Variants in CHD6 observed in about 807,000 individuals in gnomAD.
CHD6 encodes the protein ATP-dependent chromatin remodeler CHD6.
CHD6 carries 50 observed loss-of-function variants against 276.9 expected under a neutral mutation model. The observed-to-expected ratio is 0.18, with a 90% CI of 0.14 to 0.23. The LOEUF is 0.23. Among genes scored for constraint, CHD6 ranks in the 10% least tolerant of loss-of-function variants. CHD6 has a pLI of 1.00. For missense variants in CHD6, 2,564 were observed against 3,365.8 expected (o/e 0.76, Z 5.89); for synonymous variants, 1,173 against 1,229.3 (o/e 0.95, Z 0.96).
intron 5 of CHD6, among the ~76,000 whole-genome samples, chr20:41,511,378 GCTTTT>G (rs2044114735): frequency 6.6e-6 from 1 of 152,128 alleles, no homozygotes; most frequent in South Asian, 2.1e-4. Flanking sequence ...TTCTTCTCTT[GCTTTT>G]CATTTCTTCT....
intron 31 of CHD6, among the ~76,000 whole-genome samples, chr20:41,419,519 C>T (rs569293982): frequency 3.2e-5 from 4 of 124,350 alleles, no homozygotes; most frequent in African/African-American, 1.2e-4. Context: ...TGCGCCACTG[C>T]ACTCCAGCCT....
chr20:41,434,463 C>G (rs1008729411), intron 27 of CHD6, among the ~76,000 whole-genome samples: 4 of 152,138 alleles, frequency 2.6e-5, no homozygotes, highest in Non-Finnish European at 5.9e-5. Context: ...CTCTGCCTCC[C>G]GGGTTCAAGT....
At chr20:41,572,606 C>T (rs1328369977) in intron 1 of CHD6, among the ~76,000 whole-genome samples, 2 of 152,152 alleles carry the variant, frequency 1.3e-5, no homozygotes, top group African/African-American at 2.4e-5. Flanking sequence ...CTTCCCAATG[C>T]GGACTCTGCA....
chr20:41,553,268 T>C (rs1231939522), intron 1 of CHD6, among the ~76,000 whole-genome samples: 2 of 152,202 alleles, frequency 1.3e-5, no homozygotes, highest in Non-Finnish European at 2.9e-5. Flanking sequence ...AGTTTCCTCT[T>C]CAAAGTTCCC....
chr20:41,450,458 GT>G lies in CHD6; in HGVS notation c.3683+487del, dbSNP rs879440051. Among the ~76,000 whole-genome samples the G allele has an allele frequency of 1.7e-3, 245 of 142,438 alleles. 1 individual carries two copies. Among genetic ancestry groups the G allele is most frequent in the South Asian group, 5.8e-3 (26 of 4,456 alleles). The allele number at this position is 142,438 out of a possible 152,430, so 93.4% of individuals were successfully genotyped here. On this transcript the variant is annotated intron_variant, in intron 23 of 36. Coordinates refer to ENST00000373233, the MANE Select transcript of CHD6 (RefSeq NM_032221.5). ...TGAACAAAGTTTTGTTTTTCAATCA[GT>G]TTTTTTTTTTTTTGCTGTCTCCATC...
At position 41,478,248 on chromosome 20, in the gene CHD6, T is replaced by C. The variant is rs574505160; in HGVS notation, c.2469-4731A>G. Among the ~76,000 whole-genome samples the C allele has an allele frequency of 1.4e-4, 22 of 152,178 alleles. No individual in the cohort carries two copies. The South Asian group carries it at 4.6e-3, about 32-fold the overall frequency. On this transcript the variant is annotated intron_variant, in intron 16 of 36. Coordinates refer to ENST00000373233, the MANE Select transcript of CHD6 (RefSeq NM_032221.5). ...CCCCCCCATCTGATGGCCTAAGATA[T>C]CAGACATGAGGCTGATATGAAACAC... is the stretch of plus-strand genomic sequence containing the variant.
At chr20:41,576,192 A>T (rs901974992) in intron 1 of CHD6, among the ~76,000 whole-genome samples, 3 of 152,276 alleles carry the variant, frequency 2.0e-5, no homozygotes, top group Non-Finnish European at 4.4e-5. Flanking sequence ...GTACTTGAAG[A>T]AATTCTCTGT....
intron 5 of CHD6, among the ~76,000 whole-genome samples, chr20:41,508,309 T>C (rs2044028653): frequency 6.6e-6 from 1 of 152,094 alleles, no homozygotes; most frequent in South Asian, 2.1e-4. Flanking sequence ...AAACAGGTAG[T>C]GTGTAGCCAC....
intron 1 of CHD6, among the ~76,000 whole-genome samples, chr20:41,567,249 T>C (rs1020503055): frequency 1.3e-5 from 2 of 152,172 alleles, no homozygotes; most frequent in African/African-American, 4.8e-5. Context: ...AACAACACAG[T>C]GCCTTAACCA....
intron 25 of CHD6, among the ~76,000 whole-genome samples, chr20:41,444,578 T>C (rs2145621677): frequency 6.6e-6 from 1 of 152,334 alleles, no homozygotes; most frequent in East Asian, 1.9e-4. Context: ...AATTAAAATA[T>C]GTATAGGCAT....
Position 41,497,443 on chromosome 20 carries a change from C to A in CHD6, c.1033G>T (p.Ala345Ser), listed in dbSNP as rs759903834. 5 of 1,613,820 alleles carry A rather than the reference C, an allele frequency of 3.1e-6. No homozygotes were observed. The highest frequency in any genetic ancestry group is 1.7e-5 in the Admixed American group (1 of 60,000). Residue 345 changes from alanine to serine, a missense_variant, in exon 8 of 37, where the codon GCA becomes TCA. Transcript: ENST00000373233. ...MEELEKDPRI[A>S]QKIKRFRNKQ... ...TTCCTAAATCGCTTGATCTTCTGTG[C>A]GATGCGAGGATCCTTTTCGAGCTCT...
intron 1 of CHD6, among the ~76,000 whole-genome samples, chr20:41,562,110 A>C (rs200185607): frequency 0.025 from 3,825 of 151,334 alleles, 55 homozygotes; most frequent in African/African-American, 0.04. Flanking sequence ...TTTACAACAA[A>C]ACAAAAAAAA....
At chr20:41,562,317 T>C (rs2045310099) in intron 1 of CHD6, among the ~76,000 whole-genome samples, 1 of 152,206 alleles carries the variant, frequency 6.6e-6, no homozygotes, top group South Asian at 2.1e-4. Flanking sequence ...TGGTTACTCT[T>C]TTCTTTCAAA....
intron 1 of CHD6, among the ~76,000 whole-genome samples, chr20:41,565,835 G>C (rs1443361680): frequency 6.6e-6 from 1 of 152,172 alleles, no homozygotes; most frequent in Non-Finnish European, 1.5e-5. Flanking sequence ...AAGTGCAGCA[G>C]TAAAGATGAA....
At chr20:41,614,398 C>T (rs905988026) in intron 1 of CHD6, among the ~76,000 whole-genome samples, 2 of 152,092 alleles carry the variant, frequency 1.3e-5, no homozygotes, top group Non-Finnish European at 2.9e-5. Flanking sequence ...CTAAGTCCTT[C>T]ATTATGACTA....
intron 2 of CHD6, 69 bp downstream of exon 2, chr20:41,551,236 T>C: frequency 1.0e-6 from 1 of 990,074 alleles, no homozygotes; most frequent in Non-Finnish European, 1.6e-6. Context: ...ACACTGCCAG[T>C]GTCTCCCCTT....
intron 2 of CHD6, among the ~76,000 whole-genome samples, chr20:41,549,150 C>T (rs887309881): frequency 4.4e-4 from 66 of 151,688 alleles, no homozygotes; most frequent in Admixed American, 3.5e-3. Flanking sequence ...TGGGTATATA[C>T]CCAAAGGATT....
intron 16 of CHD6, among the ~76,000 whole-genome samples, chr20:41,474,102 T>C (rs16985813): frequency 0.046 from 6,981 of 152,234 alleles, 508 homozygotes; most frequent in African/African-American, 0.16. Flanking sequence ...ACCAAGGTCT[T>C]CTGGACAGTA....
chr20:41,555,184 G>A (rs1216155053), intron 1 of CHD6, among the ~76,000 whole-genome samples: 1,583 of 111,918 alleles, frequency 0.014, no homozygotes, highest in Middle Eastern at 0.037. Flanking sequence ...AGGGGCGGCC[G>A]GGCAGAGGCG....
Sources: allele counts gnomAD v4.1 joint callset (sites outside exome capture counted in the v4.1 genomes callset), GRCh38; gene constraint gnomAD v4.1.1; transcripts MANE v1.5; gene names NCBI Gene and HGNC (gene_info 2026-07-23, HGNC 2026-07-21).